Variants in SLC24A3 observed in about 807,000 individuals in gnomAD.
SLC24A3 encodes solute carrier family 24 member 3.
In SLC24A3, 28 loss-of-function variants were observed where a neutral mutation model predicts 75.8. The observed-to-expected ratio is 0.37, with a 90% CI of 0.27 to 0.51. The LOEUF (loss-of-function observed/expected upper bound fraction) is 0.51. Ranked by LOEUF, SLC24A3 falls within the 20% of genes least tolerant of loss-of-function variation. The probability of loss-of-function intolerance (pLI) is 0.94; values close to 1 mark genes in which losing one functional copy is unlikely to be tolerated. For missense variants in SLC24A3, 663 were observed against 847.8 expected, an observed-to-expected ratio of 0.78 and a Z score of 2.71; for synonymous variants, 372 against 334.1, an observed-to-expected ratio of 1.11 and a Z score of -1.24.
chr20:19,518,770 T>A (rs2030044986), intron 3 of SLC24A3, among the ~76,000 whole-genome samples: 1 of 152,336 alleles, frequency 6.6e-6, no homozygotes, highest in Admixed American at 6.5e-5. Context: ...AGCTCAGGCT[T>A]CGCCCGAAGT....
At chr20:19,593,620 G>A (rs2031411070) in intron 6 of SLC24A3, among the ~76,000 whole-genome samples, 2 of 152,324 alleles carry the variant, frequency 1.3e-5, no homozygotes, top group South Asian at 4.1e-4. Flanking sequence ...GAACCAATGA[G>A]TTGGGAGACG....
intron 2 of SLC24A3, among the ~76,000 whole-genome samples, chr20:19,444,244 T>A (rs909192502): frequency 1.1e-4 from 16 of 152,220 alleles, no homozygotes; most frequent in African/African-American, 3.6e-4. Context: ...TGATATTTTG[T>A]TGAGGATTTT....
intron 2 of SLC24A3, among the ~76,000 whole-genome samples, chr20:19,363,892 A>G (rs572749539): frequency 6.6e-6 from 1 of 152,218 alleles, no homozygotes; most frequent in South Asian, 2.1e-4. Flanking sequence ...CAAAGATGCC[A>G]TTTTCTCTGA....
chr20:19,240,567 T>G (rs1023296162), intron 1 of SLC24A3, among the ~76,000 whole-genome samples: 1 of 151,802 alleles, frequency 6.6e-6, no homozygotes, highest in Admixed American at 6.6e-5. Context: ...CTTGTGAAGG[T>G]GGAAATGAAA....
At chr20:19,537,216 G>A (rs969131049) in intron 3 of SLC24A3, among the ~76,000 whole-genome samples, 30 of 152,182 alleles carry the variant, frequency 2.0e-4, no homozygotes, top group African/African-American at 7.2e-4. Flanking sequence ...AGTGGGCGAA[G>A]GATATGAACA....
chr20:19,645,514 T>C (rs1568683703), intron 6 of SLC24A3, among the ~76,000 whole-genome samples: 1 of 151,528 alleles, frequency 6.6e-6, no homozygotes, highest in Non-Finnish European at 1.5e-5. Flanking sequence ...GCCTTAGGAG[T>C]TGGGGGCAAT....
At chr20:19,424,945 T>C (rs915618588) in intron 2 of SLC24A3, among the ~76,000 whole-genome samples, 6 of 152,102 alleles carry the variant, frequency 3.9e-5, no homozygotes, top group Non-Finnish European at 8.8e-5. Context: ...CTGTTCTTTA[T>C]GGAGAGTCTG....
At chr20:19,574,575 A>G (rs2031101880) in intron 3 of SLC24A3, among the ~76,000 whole-genome samples, 1 of 152,102 alleles carries the variant, frequency 6.6e-6, no homozygotes, top group African/African-American at 2.4e-5. Context: ...AGCCAGGACA[A>G]CTGAGGTGAC....
intron 1 of SLC24A3, chr20:19,264,126 A>G (rs1332672171): frequency 6.8e-6 from 1 of 147,572 alleles, no homozygotes; most frequent in Admixed American, 6.9e-5. Flanking sequence ...CCACCACTAC[A>G]CTCCAGCCTG....
At chr20:19,258,919 C>T (rs1156818353) in intron 1 of SLC24A3, among the ~76,000 whole-genome samples, 1 of 152,124 alleles carries the variant, frequency 6.6e-6, no homozygotes, top group Non-Finnish European at 1.5e-5. Context: ...GCCCTATCTC[C>T]TTCTGGCAAT....
chr20:19,391,574 T>C (rs571606243), intron 2 of SLC24A3, among the ~76,000 whole-genome samples: 1 of 152,294 alleles, frequency 6.6e-6, no homozygotes, highest in South Asian at 2.1e-4. Context: ...ACTTCCTGAA[T>C]CAGAACCTCT....
chr20:19,248,249 T>C (rs1305234871), intron 1 of SLC24A3, among the ~76,000 whole-genome samples: 1 of 152,218 alleles, frequency 6.6e-6, no homozygotes, highest in East Asian at 1.9e-4. Context: ...GCCATTTCTC[T>C]TCTACTTTCA....
At chr20:19,395,006 C>CGTATACATA (rs1986428713) in intron 2 of SLC24A3, among the ~76,000 whole-genome samples, 1 of 152,120 alleles carries the variant, frequency 6.6e-6, no homozygotes, top group African/African-American at 2.4e-5. Flanking sequence ...CAAAATGTGG[C>CGTATACATA]GTATACATAC....
At chr20:19,612,377 T>C (rs576405035) in intron 6 of SLC24A3, among the ~76,000 whole-genome samples, 2 of 152,260 alleles carry the variant, frequency 1.3e-5, no homozygotes, top group South Asian at 4.1e-4. Flanking sequence ...TTGACAGTGA[T>C]TTAGTGTATA....
At chr20:19,694,099 G>A (rs1284581346) in intron 13 of SLC24A3, 1 of 152,244 alleles carries the variant, frequency 6.6e-6, no homozygotes, top group African/African-American at 2.4e-5. Context: ...ATGACTCAGT[G>A]ATTCACATTG....
At chr20:19,523,956 G>T (rs186010978) in intron 3 of SLC24A3, among the ~76,000 whole-genome samples, 5 of 152,244 alleles carry the variant, frequency 3.3e-5, no homozygotes, top group Admixed American at 6.5e-5. Flanking sequence ...TACTGGACAG[G>T]CAAGAAGTGC....
At position 19,686,063 on chromosome 20, in the gene SLC24A3, A is replaced by G. The variant is rs557566342; in HGVS notation, c.1324+702A>G. Among the ~76,000 whole-genome samples, 34 of 152,366 alleles carry G rather than the reference A, an allele frequency of 2.2e-4. 2 individuals carry two copies. The highest frequency in any genetic ancestry group is 6.7e-4 in the African/African-American group (28 of 41,588). The stretch of plus-strand genomic sequence containing the variant: ...TTTTTATATTAATTCAAAAGAAACT[A>G]TAAGCATCAGTTCTATGGGACAGTT... On this transcript the variant is annotated intron_variant, in intron 12 of 16. Transcript: ENST00000328041.
intron 2 of SLC24A3, among the ~76,000 whole-genome samples, chr20:19,330,560 A>G (rs1352931215): frequency 6.6e-6 from 1 of 152,234 alleles, no homozygotes; most frequent in African/African-American, 2.4e-5. Flanking sequence ...TCATACTTAT[A>G]ATAAATAGAT....
At chr20:19,450,533 A>C (rs1330400766) in intron 2 of SLC24A3, among the ~76,000 whole-genome samples, 3 of 152,062 alleles carry the variant, frequency 2.0e-5, no homozygotes, top group African/African-American at 7.2e-5. Flanking sequence ...TTACCTTTGC[A>C]CCTGCCCAGT....
Sources: gnomAD v4.1 joint callset for allele counts (sites outside exome capture counted in the v4.1 genomes callset) on GRCh38, gnomAD v4.1.1 for gene constraint, MANE v1.5 for transcripts, NCBI Gene and HGNC (gene_info 2026-07-23, HGNC 2026-07-21) for gene names.